STON2: variants seen among roughly 807,000 people sequenced by gnomAD.
STON2 encodes stonin-2.
A neutral mutation model predicts 65.7 loss-of-function variants in STON2; 29 were observed. The ratio of observed to expected loss-of-function variants is 0.44; its 90% CI spans 0.33 to 0.60. The LOEUF is 0.60. Among genes scored for constraint, STON2 ranks in the 20% least tolerant of loss-of-function variants. The pLI, the probability that STON2 is intolerant of heterozygous loss-of-function variation, is 0.03. For synonymous variants in STON2, 404 were observed against 414.2 expected, an observed-to-expected ratio of 0.98 and a Z score of 0.30; for missense variants, 1,054 against 1,118.1, an observed-to-expected ratio of 0.94 and a Z score of 0.82.
intron 5 of STON2, among the ~76,000 whole-genome samples, chr14:81,314,435 G>A (rs138836385): frequency 1.3e-5 from 2 of 152,346 alleles, no homozygotes; most frequent in East Asian, 3.9e-4. Flanking sequence ...GTGAAGAAAG[G>A]CTCAATATGT....
At chr14:81,382,379 C>T (rs1822161653) in intron 3 of STON2, among the ~76,000 whole-genome samples, 2 of 152,102 alleles carry the variant, frequency 1.3e-5, no homozygotes, top group Non-Finnish European at 2.9e-5. Flanking sequence ...ACAATTCCCA[C>T]AAAAAATGTA....
intron 2 of STON2, among the ~76,000 whole-genome samples, chr14:81,408,837 G>C (rs1901005517): frequency 6.6e-6 from 1 of 152,182 alleles, no homozygotes; most frequent in Non-Finnish European, 1.5e-5. Flanking sequence ...TACCTGAGCA[G>C]TGTATCACAT....
At chr14:81,269,814 C>T (rs1253097088) in intron 7 of STON2, 1 of 985,314 alleles carries the variant, frequency 1.0e-6, no homozygotes, top group Non-Finnish European at 1.2e-6. Context: ...AGGAAAGTAT[C>T]ACTTTCTATT....
intron 4 of STON2, among the ~76,000 whole-genome samples, chr14:81,350,072 G>A (rs10148622): frequency 0.19 from 28,854 of 151,940 alleles, 3,509 homozygotes; most frequent in East Asian, 0.32. Flanking sequence ...TCAGAGAGTC[G>A]AAAGGGTATG....
At chr14:81,286,639 G>A (rs576532996) in intron 5 of STON2, among the ~76,000 whole-genome samples, 1 of 152,316 alleles carries the variant, frequency 6.6e-6, no homozygotes, top group East Asian at 1.9e-4. Flanking sequence ...TTGCTTTATT[G>A]CAGTGGTCTG....
At chr14:81,350,209 TG>T (rs1464634741) in intron 4 of STON2, among the ~76,000 whole-genome samples, 1 of 152,176 alleles carries the variant, frequency 6.6e-6, no homozygotes, top group East Asian at 1.9e-4. Flanking sequence ...ATATGTGAAA[TG>T]TTCCCAACAC....
At chr14:81,401,073 G>A (rs369160525), upstream of STON2, among the ~76,000 whole-genome samples, 4 of 152,148 alleles carry the variant, frequency 2.6e-5, no homozygotes, top group Admixed American at 6.5e-5. Flanking sequence ...CTCGCCCAAC[G>A]TTGCGTAACT....
chr14:81,366,082 CTT>C (rs1230110835), intron 4 of STON2, among the ~76,000 whole-genome samples: 1 of 152,228 alleles, frequency 6.6e-6, no homozygotes, highest in African/African-American at 2.4e-5. Flanking sequence ...GCCATTCGCT[CTT>C]GAGAGCAGAC....
At chr14:81,389,267 TC>T (rs35095986) in intron 3 of STON2, among the ~76,000 whole-genome samples, 1 of 152,236 alleles carries the variant, frequency 6.6e-6, no homozygotes. Flanking sequence ...TTCCTTTTTT[TC>T]CTGGCTGAAA....
At chr14:81,331,350 T>G (rs1454197890) in intron 4 of STON2, among the ~76,000 whole-genome samples, 1 of 152,206 alleles carries the variant, frequency 6.6e-6, no homozygotes, top group Non-Finnish European at 1.5e-5. Flanking sequence ...CATTTGCTCT[T>G]TTAATTATTC....
intron 4 of STON2, among the ~76,000 whole-genome samples, chr14:81,355,050 G>A (rs1898171250): frequency 6.6e-6 from 1 of 151,542 alleles, no homozygotes; most frequent in East Asian, 1.9e-4. Context: ...AAGAAAGAAT[G>A]AGTGAGCTCA....
At chr14:81,284,293 A>G (rs1895248483) in intron 5 of STON2, among the ~76,000 whole-genome samples, 1 of 152,264 alleles carries the variant, frequency 6.6e-6, no homozygotes, top group Admixed American at 6.5e-5. Context: ...AAGCGGAGAC[A>G]GGCCAAAAGC....
chr14:81,377,134 T>A (rs191232840), intron 3 of STON2, among the ~76,000 whole-genome samples: 1 of 152,318 alleles, frequency 6.6e-6, no homozygotes, highest in African/African-American at 2.4e-5. Flanking sequence ...TGCACTTTCA[T>A]AAGCATGCCC....
rs987189980 is a variant in STON2 at position 81,264,657 on chromosome 14, A to G, written c.*3757T>C. 6.1e-6 allele frequency: 6 copies of G among 984,858 alleles called. No individual in the cohort carries two copies. The highest frequency in any genetic ancestry group is 7.2e-6 in the Non-Finnish European group (6 of 829,506). 61.0% of individuals were successfully genotyped at this position (984,858 alleles called of 1,614,324 possible). A position where few individuals can be genotyped will look rare whatever the true frequency, so the allele number is the denominator to read the frequency against. ...AATAGAAATCAGTCTCATTTCAAAT[A>G]AAAAATATTTTAAATCAAACAATGT... On this transcript the variant is annotated 3_prime_UTR_variant, in exon 8 of 8. Coordinates refer to ENST00000614646, the MANE Select transcript of STON2 (RefSeq NM_001394390.1).
At chr14:81,318,718 G>T (rs1003567071) in intron 5 of STON2, among the ~76,000 whole-genome samples, 9 of 152,192 alleles carry the variant, frequency 5.9e-5, no homozygotes, top group Admixed American at 5.2e-4. Flanking sequence ...AGGTGTGGTG[G>T]CCGGTGCCTG....
At chr14:81,360,418 A>G (rs1898439384) in intron 4 of STON2, among the ~76,000 whole-genome samples, 1 of 152,214 alleles carries the variant, frequency 6.6e-6, no homozygotes, top group Admixed American at 6.5e-5. Context: ...ACAAAATAAA[A>G]GATAAAAAAA....
intron 2 of STON2, among the ~76,000 whole-genome samples, chr14:81,408,136 AACAC>A (rs149914558): frequency 3.9e-4 from 58 of 149,052 alleles, no homozygotes; most frequent in Non-Finnish European, 2.5e-4. Flanking sequence ...TTCACTGAAG[AACAC>A]ACACACACAC....
chr14:81,325,759 A>T (rs2140252674), intron 4 of STON2, among the ~76,000 whole-genome samples: 1 of 152,320 alleles, frequency 6.6e-6, no homozygotes, highest in East Asian at 1.9e-4. Context: ...GGCAAGTTAG[A>T]GTCAAGAAAA....
chr14:81,270,418 G>T, intron 7 of STON2: 1 of 1,410,786 alleles, frequency 7.1e-7, no homozygotes, highest in African/African-American at 1.4e-5. Context: ...TGCTCATAAT[G>T]ACAGAAAGAC....
Sources: gnomAD v4.1 joint callset for allele counts (sites outside exome capture counted in the v4.1 genomes callset) on GRCh38, gnomAD v4.1.1 for gene constraint, MANE v1.5 for transcripts, NCBI Gene and HGNC (gene_info 2026-07-23, HGNC 2026-07-21) for gene names.